ERO1B: variants seen among roughly 807,000 people sequenced by gnomAD.
ERO1B encodes the protein endoplasmic reticulum oxidoreductase 1 beta.
Under a neutral mutation model 75.3 loss-of-function variants are expected in ERO1B, and 49 were observed. The ratio of observed to expected loss-of-function variants is 0.65; its 90% CI spans 0.52 to 0.83. The LOEUF (loss-of-function observed/expected upper bound fraction) is 0.83, where lower values mean the gene tolerates loss of function less well. Ranked by LOEUF, ERO1B falls within the 40% of genes least tolerant of loss-of-function variation. ERO1B has a pLI of 0.00. For missense variants in ERO1B, 512 were observed against 560.1 expected (o/e 0.91, Z 0.87); for synonymous variants, 191 against 192.9 (o/e 0.99, Z 0.08).
intron 6 of ERO1B, among the ~76,000 whole-genome samples, chr1:236,242,025 G>A (rs1444766046): frequency 1.3e-5 from 2 of 149,962 alleles, no homozygotes; most frequent in South Asian, 4.2e-4. Context: ...CCGAGATTGT[G>A]CCACTGCACT....
chr1:236,216,009 C>T lies in ERO1B; in HGVS notation c.*2507G>A, dbSNP rs1663964609. The stretch of plus-strand genomic sequence containing the variant: ...TTATCAAATTTCAAAAGTGTGGAGT[C>T]TTATTCTGTCTGATCCTCCTCATAA... On this transcript the variant is annotated 3_prime_UTR_variant, in exon 16 of 16. Transcript: ENST00000354619. 6.6e-6 allele frequency: 1 copy of T among 152,110 alleles called. No individual in the cohort carries two copies. The highest frequency in any genetic ancestry group is 2.1e-4 in the South Asian group (1 of 4,832). 9.4% of individuals were successfully genotyped at this position (152,110 alleles called of 1,614,324 possible).
intron 1 of ERO1B, among the ~76,000 whole-genome samples, chr1:236,280,424 G>T (rs1055916861): frequency 6.6e-5 from 10 of 152,182 alleles, no homozygotes; most frequent in African/African-American, 2.4e-4. Flanking sequence ...AGGTCCAAGA[G>T]GTAGTCAAAA....
chr1:236,246,961 C>G (rs995762161), intron 5 of ERO1B, among the ~76,000 whole-genome samples: 1 of 152,144 alleles, frequency 6.6e-6, no homozygotes, highest in African/African-American at 2.4e-5. Context: ...CCTAACAACA[C>G]AGCCAACAAA....
intron 6 of ERO1B, among the ~76,000 whole-genome samples, chr1:236,239,909 A>ATT (rs1345692165): frequency 6.5e-5 from 7 of 106,954 alleles, no homozygotes; most frequent in South Asian, 6.5e-4. Context: ...ATATATATAT[A>ATT]TATTTTTTTT....
chr1:236,257,807 G>T (rs1051704366), intron 2 of ERO1B, among the ~76,000 whole-genome samples: 1 of 151,016 alleles, frequency 6.6e-6, no homozygotes, highest in African/African-American at 2.4e-5. Flanking sequence ...GGGTCCAACA[G>T]CAGACTAGAT....
intron 1 of ERO1B, among the ~76,000 whole-genome samples, chr1:236,277,301 G>A (rs973627801): frequency 1.3e-5 from 2 of 152,102 alleles, no homozygotes; most frequent in Non-Finnish European, 2.9e-5. Context: ...CTACTTGGGA[G>A]GCTGAGGCAT....
chr1:236,252,849 G>A (rs1478805111), intron 3 of ERO1B, among the ~76,000 whole-genome samples: 1 of 151,996 alleles, frequency 6.6e-6, no homozygotes, highest in Non-Finnish European at 1.5e-5. Flanking sequence ...AAAGTGAAAG[G>A]AAAACAAAGC....
intron 9 of ERO1B, among the ~76,000 whole-genome samples, chr1:236,231,624 C>T (rs1490166025): frequency 6.7e-6 from 1 of 149,906 alleles, no homozygotes; most frequent in East Asian, 2.3e-4. Flanking sequence ...GTTACCTATC[C>T]TTGATGTTGT....
chr1:236,237,471 A>G (rs894534954), intron 6 of ERO1B, among the ~76,000 whole-genome samples: 3 of 152,188 alleles, frequency 2.0e-5, no homozygotes, highest in Admixed American at 6.5e-5. Context: ...TAAAAATCTT[A>G]ATTATTGAAG....
intron 2 of ERO1B, among the ~76,000 whole-genome samples, chr1:236,254,247 C>T (rs138943562): frequency 3.9e-5 from 6 of 152,300 alleles, no homozygotes; most frequent in Non-Finnish European, 5.9e-5. Flanking sequence ...TTGCAGATTG[C>T]CCATGCCAAA....
At position 236,246,737 on chromosome 1, in the gene ERO1B, A is replaced by G. The variant is rs12032923; in HGVS notation, c.431+3148T>C. ...AAATCACGGTTAACTTTGGAAGGTGATAATGACTAGGAAAGTACACATGGT... is the reference window on the plus strand; with the variant it reads ...AAATCACGGTTAACTTTGGAAGGTGGTAATGACTAGGAAAGTACACATGGT... On this transcript the variant is annotated intron_variant, in intron 5 of 15. Transcript: ENST00000354619. Among the ~76,000 whole-genome samples, 39 of 152,334 alleles carry G rather than the reference A, an allele frequency of 2.6e-4. No homozygotes were observed. The East Asian group carries it at 7.3e-3, about 29-fold the overall frequency.
At chr1:236,226,016 T>C (rs1558505884) in intron 12 of ERO1B, among the ~76,000 whole-genome samples, 1 of 152,238 alleles carries the variant, frequency 6.6e-6, no homozygotes, top group Non-Finnish European at 1.5e-5. Context: ...ATTTTGATAC[T>C]ACATAAAATT....
chr1:236,255,449 A>G (rs1665139208), intron 2 of ERO1B, among the ~76,000 whole-genome samples: 1 of 152,144 alleles, frequency 6.6e-6, no homozygotes, highest in Non-Finnish European at 1.5e-5. Flanking sequence ...CCTGAATGTT[A>G]TCTGCTTATT....
chr1:236,259,310 G>C (rs544929753), intron 2 of ERO1B, among the ~76,000 whole-genome samples: 6 of 152,124 alleles, frequency 3.9e-5, no homozygotes, highest in Non-Finnish European at 4.4e-5. Context: ...AAAACAGCAA[G>C]AGAGGAGGAG....
At chr1:236,233,311 A>G (rs1664460031) in intron 8 of ERO1B, among the ~76,000 whole-genome samples, 2 of 144,344 alleles carry the variant, frequency 1.4e-5, no homozygotes, top group Admixed American at 6.9e-5. Context: ...TTCCGTCTCA[A>G]AAAAAAAAAA....
At chr1:236,258,398 A>G (rs1202372418) in intron 2 of ERO1B, among the ~76,000 whole-genome samples, 1 of 152,174 alleles carries the variant, frequency 6.6e-6, no homozygotes, top group Non-Finnish European at 1.5e-5. Flanking sequence ...CAAAAAGCTG[A>G]AAGAAAAGGA....
rs1485935408 is a variant in ERO1B, at chr1:236,239,909, ATAT to A, written c.505+3510_505+3512del. Among the ~76,000 whole-genome samples, 382 of 106,958 alleles carry A rather than the reference ATAT, an allele frequency of 3.6e-3. 16 individuals are homozygous for A. Among genetic ancestry groups the A allele is most frequent in the African/African-American group, 0.013 (369 of 28,832 alleles). 70.2% of individuals were successfully genotyped at this position (106,958 alleles called of 152,430 possible). A position where few individuals can be genotyped will look rare whatever the true frequency, so the allele number is the denominator to read the frequency against. On this transcript the variant is annotated intron_variant, in intron 6 of 15. Transcript: ENST00000354619. ...TGTGTGTGTATATATATATATATAT[ATAT>A]TTTTTTTTTTTGCGATGAGGCTGAC...
chr1:236,233,980 A>T (rs1013529436), intron 8 of ERO1B, among the ~76,000 whole-genome samples: 3 of 152,212 alleles, frequency 2.0e-5, no homozygotes, highest in Non-Finnish European at 4.4e-5. Context: ...TTTTTGGACA[A>T]AAGTTCCTAT....
chr1:236,225,049 T>C (rs775587649), intron 13 of ERO1B, 21 bp downstream of exon 13: 1 of 1,611,508 alleles, frequency 6.2e-7, no homozygotes, highest in Non-Finnish European at 8.5e-7. Flanking sequence ...CAACCCCGTG[T>C]CCCAATCGAG....
Sources: gnomAD v4.1 joint callset for allele counts (sites outside exome capture counted in the v4.1 genomes callset) on GRCh38, gnomAD v4.1.1 for gene constraint, MANE v1.5 for transcripts, NCBI Gene and HGNC (gene_info 2026-07-23, HGNC 2026-07-21) for gene names.